LRRC37A2: variants seen among roughly 807,000 people sequenced by gnomAD.
The protein encoded by LRRC37A2 is leucine-rich repeat-containing protein 37A2.
In LRRC37A2, 9 loss-of-function variants were observed where a neutral mutation model predicts 68.8. The ratio of observed to expected loss-of-function variants is 0.13; its 90% CI spans 0.08 to 0.23. The LOEUF (loss-of-function observed/expected upper bound fraction) is 0.23, where lower values mean the gene tolerates loss of function less well. LRRC37A2 is among the 10% of genes least tolerant of loss of function. The pLI is 1.00. For synonymous variants in LRRC37A2, 63 were observed against 367.6 expected (o/e 0.17, Z 9.48); for missense variants, 168 against 950.4 (o/e 0.18, Z 10.82).
the LRRC37A2 span, among the ~76,000 whole-genome samples, chr17:46,846,523 A>G: frequency 5.0e-3 from 769 of 152,360 alleles, 4 homozygotes; most frequent in African/African-American, 0.018. Context: ...AGTTGTGCCA[A>G]TAAAGGTTGT....
chr17:46,992,048 G>C, the LRRC37A2 span, among the ~76,000 whole-genome samples: 1 of 152,176 alleles, frequency 6.6e-6, no homozygotes, highest in Non-Finnish European at 1.5e-5. Flanking sequence ...CTTGCAAATG[G>C]AATGCAAGGC....
At chr17:46,792,795 G>T in the LRRC37A2 span, among the ~76,000 whole-genome samples, 1 of 152,196 alleles carries the variant, frequency 6.6e-6, no homozygotes, top group Non-Finnish European at 1.5e-5. Context: ...AATAATAATA[G>T]TTAACATTTA....
At chr17:46,823,188 T>A in the LRRC37A2 span, among the ~76,000 whole-genome samples, 1 of 125,932 alleles carries the variant, frequency 7.9e-6, no homozygotes, top group Non-Finnish European at 1.6e-5. Flanking sequence ...ATATAATATA[T>A]TATATATATT....
At chr17:46,631,204 T>G in the LRRC37A2 span, among the ~76,000 whole-genome samples, 1 of 137,026 alleles carries the variant, frequency 7.3e-6, no homozygotes, top group Non-Finnish European at 1.5e-5. Context: ...TTATTTTATT[T>G]TTGAGATGGA....
the LRRC37A2 span, among the ~76,000 whole-genome samples, chr17:46,947,863 G>A: frequency 6.6e-6 from 1 of 152,198 alleles, no homozygotes; most frequent in Non-Finnish European, 1.5e-5. Flanking sequence ...CCGCCTCCCG[G>A]GTTCAAGCGA....
chr17:46,969,471 A>G, the LRRC37A2 span, among the ~76,000 whole-genome samples: 1 of 152,170 alleles, frequency 6.6e-6, no homozygotes, highest in Admixed American at 6.5e-5. Context: ...AGAGAGCTGC[A>G]CAGGACCCCA....
the LRRC37A2 span, among the ~76,000 whole-genome samples, chr17:46,922,524 A>G: frequency 3.9e-5 from 6 of 152,102 alleles, no homozygotes; most frequent in African/African-American, 1.4e-4. Context: ...CTATAACTAC[A>G]TTTCTTGTAA....
chr17:46,532,027 G>A (rs1273565322), intron 6 of LRRC37A2, among the ~76,000 whole-genome samples: 1 of 149,698 alleles, frequency 6.7e-6, no homozygotes, highest in African/African-American at 2.5e-5. Flanking sequence ...TTTGCACATA[G>A]ATGTTCAGGT....
the LRRC37A2 span, among the ~76,000 whole-genome samples, chr17:46,848,842 C>A: frequency 0.025 from 3,880 of 152,266 alleles, 91 homozygotes; most frequent in East Asian, 0.075. Flanking sequence ...GTTTTTTCAT[C>A]TGTGCAATGG....
At chr17:46,936,098 C>T in the LRRC37A2 span, 7 of 985,916 alleles carry the variant, frequency 7.1e-6, no homozygotes, top group Non-Finnish European at 8.4e-6. Context: ...CACTCACCTC[C>T]TGCTGACAGT....
the LRRC37A2 span, chr17:46,885,958 G>A: frequency 0.3 from 45,765 of 152,212 alleles, 7,007 homozygotes; most frequent in Admixed American, 0.34. Flanking sequence ...GCTTCTGCAA[G>A]ATGAGGTGGG....
At chr17:46,836,783 T>C in the LRRC37A2 span, among the ~76,000 whole-genome samples, 1 of 152,294 alleles carries the variant, frequency 6.6e-6, no homozygotes, top group South Asian at 2.1e-4. Context: ...GTGACCTGTG[T>C]CCTGTTGACA....
At chr17:46,812,571 C>A in the LRRC37A2 span, among the ~76,000 whole-genome samples, 1 of 152,128 alleles carries the variant, frequency 6.6e-6, no homozygotes, top group Non-Finnish European at 1.5e-5. Context: ...CTCTGGGGGT[C>A]GGGGAATGAT....
At chr17:46,828,222 C>T in the LRRC37A2 span, among the ~76,000 whole-genome samples, 7 of 151,714 alleles carry the variant, frequency 4.6e-5, no homozygotes, top group South Asian at 1.3e-3. Flanking sequence ...TTTGAGACAG[C>T]GTCTCACTCT....
the LRRC37A2 span, among the ~76,000 whole-genome samples, chr17:46,986,970 G>A: frequency 6.6e-6 from 1 of 152,088 alleles, no homozygotes; most frequent in Admixed American, 6.6e-5. Context: ...TGCAGGCCAG[G>A]GGGGGTGGCT....
the LRRC37A2 span, chr17:46,726,766 A>T: frequency 1.4e-6 from 1 of 726,728 alleles, no homozygotes; most frequent in Non-Finnish European, 2.4e-6. Context: ...TTCTCTCTTA[A>T]ATAGCTGACA....
the LRRC37A2 span, among the ~76,000 whole-genome samples, chr17:46,779,104 C>CACACACACACACACACACA: frequency 2.5e-4 from 33 of 130,834 alleles, no homozygotes; most frequent in Admixed American, 4.9e-4. Context: ...CACACACACA[C>CACACACACACACACACACA]CCCAGCCCAC....
chr17:46,768,371 G>A, the LRRC37A2 span: 75 of 1,613,844 alleles, frequency 4.6e-5, no homozygotes, highest in African/African-American at 6.3e-4. This position sits in a 1 kb window ranked among gnomAD's most constrained non-coding sequence, Gnocchi z 5.0. Flanking sequence ...GGCAGCTGAC[G>A]TAGCAGCACC....
the LRRC37A2 span, among the ~76,000 whole-genome samples, chr17:46,748,386 A>G: frequency 6.6e-6 from 1 of 152,242 alleles, no homozygotes; most frequent in Non-Finnish European, 1.5e-5. Flanking sequence ...CACTGGAATT[A>G]TAGGCATGAG....
Sources: allele counts gnomAD v4.1 joint callset (sites outside exome capture counted in the v4.1 genomes callset), GRCh38; gene constraint gnomAD v4.1.1; non-coding constraint Gnocchi (gnomAD v3.1); transcripts MANE v1.5; gene names NCBI Gene and HGNC (gene_info 2026-07-23, HGNC 2026-07-21).